Variants in ERVMER34-1 observed in about 807,000 individuals in gnomAD.
ERVMER34-1 encodes endogenous retrovirus group MER34 member 1, envelope, also known as endogenous retroviral envelope protein HEMO.
For missense variants in ERVMER34-1, 471 were observed against 295.1 expected (o/e 1.60, Z -4.37); for synonymous variants, 199 against 111.7 (o/e 1.78, Z -4.93).
intron 1 of ERVMER34-1, 110 bp from the exon 2 acceptor site, chr4:52,751,179 C>T (rs1002610659): frequency 6.6e-6 from 1 of 152,112 alleles, no homozygotes; most frequent in Non-Finnish European, 1.5e-5. Context: ...GGGACGGGCA[C>T]GGCCGTCCGC....
At position 52,744,994 on chromosome 4, in the gene ERVMER34-1, C is replaced by T; in HGVS notation, c.527G>A (p.Ser176Asn). ...NESRNDDDDTSVCLGTRQCSW... is the reference protein window; with the variant it reads ...NESRNDDDDTNVCLGTRQCSW... Reference sequence around the variant, plus strand: ...ACATTGTCTAGTGCCTAGGCAAACACTTGTATCATCATCATCGTTCCTGGA... The same window carrying T: ...ACATTGTCTAGTGCCTAGGCAAACATTTGTATCATCATCATCGTTCCTGGA... The change falls in exon 3 of 3, where the codon AGT becomes AAT. Residue 176 changes from serine to asparagine, a missense_variant. Transcript: ENST00000443173. 1 of 704,168 alleles carries T rather than the reference C, an allele frequency of 1.4e-6. No individual in the cohort carries two copies. The allele number at this position is 704,168 out of a possible 1,614,324, so 43.6% of individuals were successfully genotyped here.
In ERVMER34-1 at chr4:52,745,065, A is replaced by C. The variant is rs1716115798; in HGVS notation, c.456T>G (p.Asp152Glu). ...AGGGCATGAAGGTGCCATCTGTAGA[A>C]TCAAACCATAGTATTTGATTACAGT... ...KQYCNQILWF[D>E]STDGTFMPSI... Residue 152 changes from aspartate to glutamate, a missense_variant, in exon 3 of 3, where the codon GAT becomes GAG. Asp to Glu is a conservative substitution (Grantham distance 45, BLOSUM62 2). Transcript: ENST00000443173. 1.4e-6 allele frequency: 1 copy of C among 704,046 alleles called. No homozygotes were observed. The highest frequency in any genetic ancestry group is 2.6e-6 in the Non-Finnish European group (1 of 385,010). The allele number at this position is 704,046 out of a possible 1,614,324, so 43.6% of individuals were successfully genotyped here. A position where few individuals can be genotyped will look rare whatever the true frequency, so the allele number is the denominator to read the frequency against.
At chr4:52,749,230 T>C (rs949350114) in intron 2 of ERVMER34-1, among the ~76,000 whole-genome samples, 2 of 152,204 alleles carry the variant, frequency 1.3e-5, no homozygotes, top group Non-Finnish European at 2.9e-5. Context: ...GCCTATGTAG[T>C]GACCTCAGCT....
intron 2 of ERVMER34-1, among the ~76,000 whole-genome samples, chr4:52,747,375 C>T (rs1217021817): frequency 6.6e-6 from 1 of 152,164 alleles, no homozygotes; most frequent in East Asian, 1.9e-4. Flanking sequence ...CAGAGCCATA[C>T]CTCCTCTATC....
rs1311566654 is a variant in ERVMER34-1 at position 52,745,145 on chromosome 4, A to G, written c.376T>C (p.Cys126Arg). 1.4e-6 allele frequency: 1 copy of G among 704,158 alleles called. No individual in the cohort carries two copies. Among genetic ancestry groups the G allele is most frequent in the Admixed American group, 2.0e-5 (1 of 50,012 alleles). 43.6% of individuals were successfully genotyped at this position (704,158 alleles called of 1,614,324 possible). The change falls in exon 3 of 3, where the codon TGC becomes CGC. Residue 126 changes from cysteine (C) to arginine (R), a missense_variant. Cys to Arg is a radical substitution (Grantham distance 180). Transcript: ENST00000443173. Reference protein sequence around the residue: ...VRLLEGNFSLCVENKNGSGPF... With the variant: ...VRLLEGNFSLRVENKNGSGPF... ...CCACTGCCATTTTTATTTTCTACGC[A>G]AAGAGAAAAATTTCCCTCCAATAAC...
chr4:52,747,406 G>A (rs1242729241), intron 2 of ERVMER34-1, among the ~76,000 whole-genome samples: 1 of 152,114 alleles, frequency 6.6e-6, no homozygotes, highest in Non-Finnish European at 1.5e-5. Context: ...ACACATGTAA[G>A]CAATTATTTG....
At position 52,745,070 on chromosome 4, in the gene ERVMER34-1, A is replaced by G. The variant is rs1348847666; in HGVS notation, c.451T>C (p.Phe151Leu). 1.4e-6 allele frequency: 1 copy of G among 704,146 alleles called. No homozygotes were observed. The highest frequency in any genetic ancestry group is 2.0e-5 in the Admixed American group (1 of 50,016). The allele number at this position is 704,146 out of a possible 1,614,324, so 43.6% of individuals were successfully genotyped here. The change falls in exon 3 of 3, where the codon TTT (phenylalanine) becomes CTT (leucine). Residue 151 changes from phenylalanine to leucine, a missense_variant. Transcript: ENST00000443173. Reference sequence around the variant, plus strand: ...ATGAAGGTGCCATCTGTAGAATCAAACCATAGTATTTGATTACAGTATTGT... The same window carrying G: ...ATGAAGGTGCCATCTGTAGAATCAAGCCATAGTATTTGATTACAGTATTGT... Reference protein sequence around the residue: ...PKQYCNQILWFDSTDGTFMPS... With the variant: ...PKQYCNQILWLDSTDGTFMPS...
chr4:52,746,968 C>T (rs1716169804), intron 2 of ERVMER34-1, among the ~76,000 whole-genome samples: 1 of 151,690 alleles, frequency 6.6e-6, no homozygotes, highest in South Asian at 2.1e-4. Flanking sequence ...GTGGGACACA[C>T]CTGTAATCCC....
Position 52,743,088 on chromosome 4 carries a change from C to T in ERVMER34-1, c.*741G>A, listed in dbSNP as rs1716056460. ...TGCATGTAAGGAACTCACCAGAGGA[C>T]TGGGCAGAGTGAAGCATTTGATATA... is the stretch of plus-strand genomic sequence containing the variant. On this transcript the variant is annotated 3_prime_UTR_variant, in exon 3 of 3. Transcript: ENST00000443173. 1 of 151,714 alleles carries T rather than the reference C, an allele frequency of 6.6e-6. No individual in the cohort carries two copies. Among genetic ancestry groups the T allele is most frequent in the Non-Finnish European group, 1.5e-5 (1 of 67,968 alleles). The allele number at this position is 151,714 out of a possible 1,614,324, so 9.4% of individuals were successfully genotyped here. A position where few individuals can be genotyped will look rare whatever the true frequency, so the allele number is the denominator to read the frequency against.
rs1343242704 is a variant in ERVMER34-1 at position 52,743,232 on chromosome 4, C to T, written c.*597G>A. 3 of 152,180 alleles carry T rather than the reference C, an allele frequency of 2.0e-5. No homozygotes were observed. Among genetic ancestry groups the T allele is most frequent in the Non-Finnish European group, 2.9e-5 (2 of 68,042 alleles). 9.4% of individuals were successfully genotyped at this position (152,180 alleles called of 1,614,324 possible). A position where few individuals can be genotyped will look rare whatever the true frequency, so the allele number is the denominator to read the frequency against. On this transcript the variant is annotated 3_prime_UTR_variant, in exon 3 of 3. Coordinates refer to ENST00000443173, the MANE Select transcript of ERVMER34-1 (RefSeq NM_001242690.2). ...GACCACTAAAATGCCCATGGGAAAT[C>T]AGGAAAGCTCAGATCATACCAGCCT...
chr4:52,745,730 G>T lies in ERVMER34-1; in HGVS notation c.-210C>A. ...ATCTGCTCATGGAGCCTGTGAGTAGGTGCCAAAATTCCTCAATTTGAGGTA... is the reference window on the plus strand; with the variant it reads ...ATCTGCTCATGGAGCCTGTGAGTAGTTGCCAAAATTCCTCAATTTGAGGTA... On this transcript the variant is annotated 5_prime_UTR_variant, in exon 3 of 3. Coordinates refer to ENST00000443173, the MANE Select transcript of ERVMER34-1 (RefSeq NM_001242690.2). 1.8e-6 allele frequency: 1 copy of T among 566,890 alleles called. No homozygotes were observed. The highest frequency in any genetic ancestry group is 3.1e-6 in the Non-Finnish European group (1 of 318,670). 35.1% of individuals were successfully genotyped at this position (566,890 alleles called of 1,614,324 possible).
In ERVMER34-1 at chr4:52,744,564, A is replaced by G. The variant is rs1426297034; in HGVS notation, c.957T>C (p.Leu319=). The G allele has an allele frequency of 1.4e-6, 1 of 703,974 alleles. No homozygotes were observed. The highest frequency in any genetic ancestry group is 1.7e-5 in the African/African-American group (1 of 57,246). 43.6% of individuals were successfully genotyped at this position (703,974 alleles called of 1,614,324 possible). A position where few individuals can be genotyped will look rare whatever the true frequency, so the allele number is the denominator to read the frequency against. ...FPPKWSGRCG[L]GYLVPSLTRY... ...TGGTGAGGGAAGGTACAAGATACCC[A>G]AGTCCACATCGCCCAGACCATTTAG... Residue 319 remains leucine (L), a synonymous_variant, in exon 3 of 3, where the codon CTT becomes CTC. Coordinates refer to ENST00000443173, the MANE Select transcript of ERVMER34-1 (RefSeq NM_001242690.2).
In ERVMER34-1 at chr4:52,743,894, A is replaced by T. The variant is rs1442028822; in HGVS notation, c.1627T>A (p.Cys543Ser). The T allele has an allele frequency of 1.3e-6, 2 of 1,490,808 alleles. No homozygotes were observed. The highest frequency in any genetic ancestry group is 9.0e-7 in the Non-Finnish European group (1 of 1,105,940). The allele number at this position is 1,490,808 out of a possible 1,614,324, so 92.3% of individuals were successfully genotyped here. ...SAQLLVSETSCQVSNRAMKGL... is the reference protein window; with the variant it reads ...SAQLLVSETSSQVSNRAMKGL... ...TTCATTGCCCTATTTGAAACTTGAC[A>T]TGAAGTTTCACTGACAAGGAGCTGT... Residue 543 changes from cysteine to serine, a missense_variant, in exon 3 of 3, where the codon TGT (cysteine) becomes AGT (serine). Coordinates refer to ENST00000443173, the MANE Select transcript of ERVMER34-1 (RefSeq NM_001242690.2).
chr4:52,744,232 G>C lies in ERVMER34-1; in HGVS notation c.1289C>G (p.Thr430Ser). 1 of 704,132 alleles carries C rather than the reference G, an allele frequency of 1.4e-6. No individual in the cohort carries two copies. The highest frequency in any genetic ancestry group is 2.6e-6 in the Non-Finnish European group (1 of 385,014). The allele number at this position is 704,132 out of a possible 1,614,324, so 43.6% of individuals were successfully genotyped here. ...SRKDHVLDIPTTQRQTACGTV... is the reference protein window; with the variant it reads ...SRKDHVLDIPSTQRQTACGTV... ...TCCACAAGCCGTTTGTCGTTGGGTG[G>C]TCGGTATATCCAAGACATGATCCTT... The change falls in exon 3 of 3, where the codon ACC becomes AGC. Residue 430 changes from threonine (T) to serine (S), a missense_variant. Transcript: ENST00000443173.
At position 52,743,531 on chromosome 4, in the gene ERVMER34-1, G is replaced by GA. The variant is rs1365174360; in HGVS notation, c.*297dup. The GA allele has an allele frequency of 8.4e-6, 2 of 239,422 alleles. No homozygotes were observed. The highest frequency in any genetic ancestry group is 1.5e-4 in the South Asian group (1 of 6,776). The allele number at this position is 239,422 out of a possible 1,614,324, so 14.8% of individuals were successfully genotyped here. On this transcript the variant is annotated 3_prime_UTR_variant, in exon 3 of 3. Coordinates refer to ENST00000443173, the MANE Select transcript of ERVMER34-1 (RefSeq NM_001242690.2). ...GGGCTTGCAAATTAACAGATCAATA[G>GA]AAAAAACATTTATTATATATGCATG...
intron 2 of ERVMER34-1, among the ~76,000 whole-genome samples, chr4:52,749,678 A>T (rs143518589): frequency 1.6e-3 from 237 of 152,140 alleles, no homozygotes; most frequent in Non-Finnish European, 2.7e-3. Flanking sequence ...TGGCTTGTGC[A>T]TGTCTTCCCA....
chr4:52,748,104 TA>T (rs34983829), intron 2 of ERVMER34-1: 1,195 of 157,848 alleles, frequency 7.6e-3, no homozygotes, highest in South Asian at 0.023. Flanking sequence ...GCAAACCCTG[TA>T]AAAAAAAAAA....
Position 52,745,888 on chromosome 4 carries a change from C to T in ERVMER34-1, c.-368G>A. ...GTACTTCATAAGGTCTCTTCTTTTT[C>T]CAGGGAGGTTACAACACATCTTTTC... On this transcript the variant is annotated 5_prime_UTR_variant, in exon 3 of 3. Transcript: ENST00000443173. 5.2e-6 allele frequency: 1 copy of T among 190,584 alleles called. No homozygotes were observed. Among genetic ancestry groups the T allele is most frequent in the Non-Finnish European group, 1.1e-5 (1 of 92,222 alleles). The allele number at this position is 190,584 out of a possible 1,614,324, so 11.8% of individuals were successfully genotyped here. A position where few individuals can be genotyped will look rare whatever the true frequency, so the allele number is the denominator to read the frequency against.
chr4:52,748,501 G>A (rs924963212), intron 2 of ERVMER34-1, among the ~76,000 whole-genome samples: 7 of 152,138 alleles, frequency 4.6e-5, no homozygotes, highest in African/African-American at 1.7e-4. Context: ...CATTTGAACT[G>A]TTACCTACTT....
Sources: allele counts gnomAD v4.1 joint callset (sites outside exome capture counted in the v4.1 genomes callset), GRCh38; gene constraint gnomAD v4.1.1; transcripts MANE v1.5; gene names NCBI Gene and HGNC (gene_info 2026-07-23, HGNC 2026-07-21).